The following RYR3 variants were observed in gnomAD, a reference collection of about 807,000 sequenced individuals.
RYR3 encodes the protein ryanodine receptor 3.
In RYR3, 207 loss-of-function variants were observed where a neutral mutation model predicts 584.3. The ratio of observed to expected loss-of-function variants is 0.35; its 90% confidence interval spans 0.32 to 0.40. The LOEUF is 0.40. RYR3 is among the 10% of genes least tolerant of loss of function. The pLI, the probability that RYR3 is intolerant of heterozygous loss-of-function variation, is 1.00. For missense variants in RYR3, 5,616 were observed against 6,089.2 expected (o/e 0.92, Z 2.59); for synonymous variants, 2,416 against 2,248.5 (o/e 1.07, Z -2.11).
At chr15:33,581,268 C>G (rs1296033856) in intron 13 of RYR3, among the ~76,000 whole-genome samples, 1 of 152,126 alleles carries the variant, frequency 6.6e-6, no homozygotes, top group Non-Finnish European at 1.5e-5. Context: ...TGGGGGCAAC[C>G]CGTCAGAGGA....
intron 31 of RYR3, among the ~76,000 whole-genome samples, chr15:33,649,580 G>C (rs1020820130): frequency 3.9e-5 from 6 of 152,196 alleles, no homozygotes; most frequent in Non-Finnish European, 1.5e-5. Flanking sequence ...CTGGGTGCTT[G>C]AGAGAAGTTG....
chr15:33,656,796 G>A (rs1405068914), intron 32 of RYR3, among the ~76,000 whole-genome samples: 2 of 152,036 alleles, frequency 1.3e-5, no homozygotes, highest in African/African-American at 2.4e-5. Context: ...TCCTTTACAC[G>A]TGGCCCCCTC....
At chr15:33,449,428 G>C (rs1596190591) in intron 1 of RYR3, among the ~76,000 whole-genome samples, 1 of 152,172 alleles carries the variant, frequency 6.6e-6, no homozygotes, top group South Asian at 2.1e-4. Flanking sequence ...ATGACATCGT[G>C]AATCAAGCCA....
chr15:33,857,963 C>A, intron 99 of RYR3, 49 bp downstream of exon 99: 1 of 1,606,250 alleles, frequency 6.2e-7, no homozygotes, highest in Non-Finnish European at 8.5e-7. Context: ...CGGGGCCACC[C>A]CGCCCCACCA....
chr15:33,469,801 C>T (rs1776261401), intron 1 of RYR3, among the ~76,000 whole-genome samples: 1 of 152,002 alleles, frequency 6.6e-6, no homozygotes, highest in Admixed American at 6.6e-5. Flanking sequence ...AATGAGATTG[C>T]CAAGGGAAAA....
chr15:33,734,069 A>G (rs1256786226), intron 48 of RYR3, among the ~76,000 whole-genome samples: 2 of 152,180 alleles, frequency 1.3e-5, no homozygotes, highest in Non-Finnish European at 2.9e-5. Context: ...TTATGGAACA[A>G]GCTGTGTCAT....
intron 51 of RYR3, among the ~76,000 whole-genome samples, chr15:33,740,563 G>A (rs150903353): frequency 2.0e-5 from 3 of 152,284 alleles, no homozygotes; most frequent in African/African-American, 7.2e-5. Context: ...ATTTCTCACT[G>A]GTGTTGACTA....
chr15:33,618,010 T>G (rs1313626436), intron 19 of RYR3, among the ~76,000 whole-genome samples: 1 of 152,162 alleles, frequency 6.6e-6, no homozygotes, highest in Non-Finnish European at 1.5e-5. Context: ...ATGAGGTATA[T>G]GTACCTTGTA....
chr15:33,791,586 G>A (rs977236734), intron 67 of RYR3, among the ~76,000 whole-genome samples: 1 of 152,114 alleles, frequency 6.6e-6, no homozygotes, highest in African/African-American at 2.4e-5. Context: ...AGGGAGATGC[G>A]GGGTGATTAC....
At chr15:33,514,425 C>T (rs1422932132) in intron 3 of RYR3, among the ~76,000 whole-genome samples, 1 of 152,050 alleles carries the variant, frequency 6.6e-6, no homozygotes, top group African/African-American at 2.4e-5. Context: ...GAGGCCCGCA[C>T]CACGGAGGTT....
chr15:33,402,974 G>A (rs1005016487), intron 1 of RYR3, among the ~76,000 whole-genome samples: 1 of 152,224 alleles, frequency 6.6e-6, no homozygotes, highest in Non-Finnish European at 1.5e-5. Context: ...CCTGCTATGA[G>A]CAACCAAGTC....
At chr15:33,681,215 C>T (rs11636766) in intron 38 of RYR3, among the ~76,000 whole-genome samples, 150,462 of 152,336 alleles carry the variant, frequency 0.99, 74,323 homozygotes, top group Middle Eastern at 1. Flanking sequence ...GGTTTGTAGC[C>T]TCAGAAAAGA....
chr15:33,669,281 GTCTAAGGCAGGAT>G, intron 36 of RYR3, 60 bp from the exon 37 acceptor site: 2 of 1,215,346 alleles, frequency 1.6e-6, no homozygotes, highest in Non-Finnish European at 2.4e-6. Context: ...GTAAGTGTCT[GTCTAAGGCAGGAT>G]CTGAGTTCCC....
At chr15:33,424,827 G>A (rs1052705249) in intron 1 of RYR3, among the ~76,000 whole-genome samples, 3 of 152,126 alleles carry the variant, frequency 2.0e-5, no homozygotes, top group African/African-American at 7.2e-5. Flanking sequence ...ATGCAAAGAT[G>A]AGAAGCCGGG....
intron 67 of RYR3, among the ~76,000 whole-genome samples, chr15:33,798,573 G>C (rs770254377): frequency 1.3e-5 from 2 of 152,216 alleles, no homozygotes; most frequent in African/African-American, 2.4e-5. Context: ...TTTATTTCCA[G>C]GAGGCCCATC....
chr15:33,405,012 T>C (rs1469193001), intron 1 of RYR3, among the ~76,000 whole-genome samples: 1 of 152,166 alleles, frequency 6.6e-6, no homozygotes, highest in Admixed American at 6.5e-5. Flanking sequence ...TGGAAAGCCA[T>C]GATTGTCTCA....
chr15:33,484,570 A>G (rs551130183), intron 2 of RYR3, among the ~76,000 whole-genome samples: 2 of 152,324 alleles, frequency 1.3e-5, no homozygotes, highest in East Asian at 3.9e-4. Context: ...TGATCATTGT[A>G]TAGATTCCTC....
At chr15:33,387,572 T>C (rs923971256) in intron 1 of RYR3, among the ~76,000 whole-genome samples, 2 of 151,410 alleles carry the variant, frequency 1.3e-5, no homozygotes, top group Non-Finnish European at 2.9e-5. Context: ...GATCCTTAAA[T>C]ATGTGCAACT....
Position 33,726,487 on chromosome 15 carries a change from A to C in RYR3, c.7014A>C (p.Lys2338Asn), listed in dbSNP as rs771699246. 1.2e-6 allele frequency: 2 copies of C among 1,600,152 alleles called. No homozygotes were observed. Among genetic ancestry groups the C allele is most frequent in the Middle Eastern group, 1.7e-4 (1 of 6,040 alleles). ...DLVGIISIPL[K>N]LPSLNKDGSV... ...TTGGGATCATCAGCATCCCCTTGAA[A>C]CTGCCCTCCCTCAACAAAGGTAAGG... is the stretch of plus-strand genomic sequence containing the variant. Residue 2338 changes from lysine (K) to asparagine (N), a missense_variant, in exon 46 of 104, where the codon AAA (lysine) becomes AAC (asparagine). Lys to Asn is a moderately conservative substitution (Grantham distance 94). This residue lies in a region of RYR3 where 1,280 missense variants were observed against 1,426.2 expected (regional missense o/e 0.90). Coordinates refer to ENST00000634891, the MANE Select transcript of RYR3 (RefSeq NM_001036.6).
Sources: allele counts gnomAD v4.1 joint callset (sites outside exome capture counted in the v4.1 genomes callset), GRCh38; gene constraint gnomAD v4.1.1; regional missense constraint gnomAD v4.1.1; transcripts MANE v1.5; gene names NCBI Gene and HGNC (gene_info 2026-07-23, HGNC 2026-07-21).